Variants in HMGXB3 observed in about 807,000 individuals in gnomAD.
The protein encoded by HMGXB3 is HMG-box containing 3, also known as HMG domain-containing protein 3.
Under a neutral mutation model 121.5 loss-of-function variants are expected in HMGXB3, and 45 were observed. The observed-to-expected ratio is 0.37, with a 90% CI of 0.29 to 0.47. HMGXB3 has a LOEUF of 0.47. Ranked by LOEUF, HMGXB3 falls within the 20% of genes least tolerant of loss-of-function variation. The pLI is 0.99. For synonymous variants in HMGXB3, 590 were observed against 624.1 expected (o/e 0.95, Z 0.81); for missense variants, 1,376 against 1,602.2 (o/e 0.86, Z 2.41).
chr5:150,020,271 T>C (rs1234819460), intron 6 of HMGXB3, among the ~76,000 whole-genome samples: 1 of 152,228 alleles, frequency 6.6e-6, no homozygotes, highest in Non-Finnish European at 1.5e-5. Flanking sequence ...GGGGGTTTTG[T>C]CTAAGGCTCT....
At position 150,018,581 on chromosome 5, in the gene HMGXB3, C is replaced by T. The variant is rs1173628511; in HGVS notation, c.925C>T (p.Arg309Cys). The T allele has an allele frequency of 5.8e-6, 9 of 1,548,614 alleles. No homozygotes were observed. The highest frequency in any genetic ancestry group is 7.9e-6 in the Non-Finnish European group (9 of 1,145,706). The change falls in exon 6 of 20, where the codon CGC (arginine) becomes TGC (cysteine). Residue 309 changes from arginine (R) to cysteine (C), a missense_variant. By Grantham distance (180) the Arg-to-Cys change is radical. Coordinates refer to ENST00000502717, the MANE Select transcript of HMGXB3 (RefSeq NM_014983.3). ...TTATTTACAGACCACTACATATACC[C>T]GCCGGGGCCATGGGACATGCACCAG... ...TSIKLTTTYT[R>C]RGHGTCTSPG...
At position 150,024,681 on chromosome 5, in the gene HMGXB3, G is replaced by T; in HGVS notation, c.1460+1G>T. 6.5e-7 allele frequency: 1 copy of T among 1,536,738 alleles called. No homozygotes were observed. The highest frequency in any genetic ancestry group is 8.8e-7 in the Non-Finnish European group (1 of 1,139,764). ...TCCCTGCTCCTAAAAAACCTACAGG[G>T]TAAGTCAGTGTGTTTGTATAATATA... is the stretch of plus-strand genomic sequence containing the variant. On this transcript the variant is annotated splice_donor_variant, in intron 7 of 19. Transcript: ENST00000502717. LOFTEE classifies it high-confidence loss of function.
Position 150,012,395 on chromosome 5 carries a change from A to G in HMGXB3, c.909+42A>G, listed in dbSNP as rs1476545503. On this transcript the variant is annotated intron_variant, in intron 5 of 19. Coordinates refer to ENST00000502717, the MANE Select transcript of HMGXB3 (RefSeq NM_014983.3). Reference sequence around the variant, plus strand: ...GGGGATTGATGGCAATTAGGGTGTCATAAGCATTTTTTTTCTAAGTAGATT... The same window carrying G: ...GGGGATTGATGGCAATTAGGGTGTCGTAAGCATTTTTTTTCTAAGTAGATT... 7 of 1,337,438 alleles carry G rather than the reference A, an allele frequency of 5.2e-6. No homozygotes were observed. The Admixed American group carries it at 1.2e-4, about 23-fold the overall frequency. 82.8% of individuals were successfully genotyped at this position (1,337,438 alleles called of 1,614,324 possible).
chr5:150,011,270 G>A (rs970501325), intron 4 of HMGXB3, among the ~76,000 whole-genome samples: 1 of 152,216 alleles, frequency 6.6e-6, no homozygotes, highest in Non-Finnish European at 1.5e-5. Flanking sequence ...AGTGGCCTAA[G>A]TGTCATTCTC....
chr5:150,050,199 T>G, intron 18 of HMGXB3, 53 bp from the exon 19 acceptor site: 1 of 1,436,564 alleles, frequency 7.0e-7, no homozygotes, highest in Non-Finnish European at 9.6e-7. Flanking sequence ...CTGTACACTC[T>G]CTGCAGACTG....
At chr5:150,011,983 A>G (rs1044694849) in intron 4 of HMGXB3, among the ~76,000 whole-genome samples, 1 of 152,188 alleles carries the variant, frequency 6.6e-6, no homozygotes, top group Admixed American at 6.5e-5. Flanking sequence ...GGATTCTCTC[A>G]CTAACTGCTT....
chr5:150,029,215 T>A (rs1756315587), intron 9 of HMGXB3, among the ~76,000 whole-genome samples: 1 of 152,184 alleles, frequency 6.6e-6, no homozygotes, highest in Non-Finnish European at 1.5e-5. Flanking sequence ...TGGCTTATAT[T>A]TTTCACTTCA....
Position 150,036,949 on chromosome 5 carries a change from T to C in HMGXB3, c.2285+12T>C. ...AAAGGGGGACAAAAGTAAGCACCCCTTAACTCTGCCCCTAGCTACCCCATC... is the reference window on the plus strand; with the variant it reads ...AAAGGGGGACAAAAGTAAGCACCCCCTAACTCTGCCCCTAGCTACCCCATC... On this transcript the variant is annotated intron_variant, in intron 12 of 19. Coordinates refer to ENST00000502717, the MANE Select transcript of HMGXB3 (RefSeq NM_014983.3). The C allele has an allele frequency of 6.5e-7, 1 of 1,543,302 alleles. No individual in the cohort carries two copies.
chr5:150,015,083 G>T (rs578235790), intron 5 of HMGXB3: 2 of 392,888 alleles, frequency 5.1e-6, no homozygotes, highest in Non-Finnish European at 9.2e-6. Context: ...AAGGGGGACA[G>T]ATATGGAGAT....
At chr5:150,044,659 C>T (rs7726937) in intron 15 of HMGXB3, among the ~76,000 whole-genome samples, 4,580 of 152,234 alleles carry the variant, frequency 0.03, 221 homozygotes, top group African/African-American at 0.1. Context: ...TCCAGGACCA[C>T]CCTTTGAGAA....
intron 6 of HMGXB3, among the ~76,000 whole-genome samples, chr5:150,022,846 G>A (rs1392221158): frequency 1.3e-5 from 2 of 148,658 alleles, no homozygotes; most frequent in East Asian, 2.0e-4. Flanking sequence ...TCCAGACAGG[G>A]ACAGGGTCTC....
chr5:150,049,411 C>T (rs1453923071), intron 18 of HMGXB3, among the ~76,000 whole-genome samples: 1 of 36,038 alleles, frequency 2.8e-5, no homozygotes, highest in Non-Finnish European at 1.5e-4. Flanking sequence ...GGAACGGAAA[C>T]CCCCCCCCTT....
At chr5:150,048,881 C>T (rs1417015485) in intron 18 of HMGXB3, among the ~76,000 whole-genome samples, 196 bp downstream of exon 18, 1 of 152,152 alleles carries the variant, frequency 6.6e-6, no homozygotes, top group Non-Finnish European at 1.5e-5. Context: ...TTTAAGCACC[C>T]TACCACATCC....
intron 6 of HMGXB3, among the ~76,000 whole-genome samples, chr5:150,022,438 C>G (rs962499339): frequency 6.6e-6 from 1 of 152,168 alleles, no homozygotes; most frequent in African/African-American, 2.4e-5. Flanking sequence ...TCTCTGATGG[C>G]AGCAGTTGAG....
intron 9 of HMGXB3, among the ~76,000 whole-genome samples, chr5:150,029,008 C>G (rs1034422919): frequency 6.6e-6 from 1 of 152,050 alleles, no homozygotes; most frequent in Non-Finnish European, 1.5e-5. Context: ...TCTTTAGCTT[C>G]CTTTTAAAAA....
At chr5:150,051,225 C>T (rs1756881471) in intron 19 of HMGXB3, among the ~76,000 whole-genome samples, 1 of 152,316 alleles carries the variant, frequency 6.6e-6, no homozygotes, top group Non-Finnish European at 1.5e-5. Context: ...CCAAGGCCAG[C>T]AGGCCAGCCT....
intron 10 of HMGXB3, among the ~76,000 whole-genome samples, chr5:150,031,415 T>C (rs1756375319): frequency 1.3e-5 from 2 of 152,254 alleles, no homozygotes; most frequent in South Asian, 4.1e-4. Flanking sequence ...AAATAAATGC[T>C]AGACAGCTGA....
At chr5:150,041,706 C>A in intron 14 of HMGXB3, 79 bp from the exon 15 acceptor site, 1 of 1,039,388 alleles carries the variant, frequency 9.6e-7, no homozygotes, top group Non-Finnish European at 1.4e-6. Flanking sequence ...AATTGCTCTA[C>A]TTACTACCCA....
rs1755807684 is a variant in HMGXB3, at chr5:150,010,603, A to G, written c.805A>G (p.Met269Val). 1 of 1,549,944 alleles carries G rather than the reference A, an allele frequency of 6.5e-7. No individual in the cohort carries two copies. The highest frequency in any genetic ancestry group is 8.7e-7 in the Non-Finnish European group (1 of 1,146,256). The change falls in exon 4 of 20, where the codon ATG becomes GTG. Residue 269 changes from methionine (M) to valine (V), a missense_variant. This residue lies in a region of HMGXB3 where 1,116 missense variants were observed against 1,369.0 expected (regional missense o/e 0.82). Coordinates refer to ENST00000502717, the MANE Select transcript of HMGXB3 (RefSeq NM_014983.3). ...VGESVSVVTV[M>V]RDSSESSSSA... ...GGAGAGTGTATCAGTGGTAACAGTCATGAGGGTAAGTGGCTTTGGTACTGA... is the reference window on the plus strand; with the variant it reads ...GGAGAGTGTATCAGTGGTAACAGTCGTGAGGGTAAGTGGCTTTGGTACTGA...
Sources: gnomAD v4.1 joint callset for allele counts (sites outside exome capture counted in the v4.1 genomes callset) on GRCh38, gnomAD v4.1.1 for gene constraint, gnomAD v4.1.1 regional missense constraint, MANE v1.5 for transcripts, NCBI Gene and HGNC (gene_info 2026-07-23, HGNC 2026-07-21) for gene names.